Variants in ATAD2B observed in about 807,000 individuals in gnomAD.
The protein encoded by ATAD2B is ATPase family AAA domain-containing protein 2B.
ATAD2B carries 40 observed loss-of-function variants against 167.6 expected under a neutral mutation model. That is an observed-to-expected ratio of 0.24 (90% CI 0.19 to 0.31). ATAD2B has a LOEUF of 0.31. Among genes scored for constraint, ATAD2B ranks in the 10% least tolerant of loss-of-function variants. ATAD2B has a pLI of 1.00. For synonymous variants in ATAD2B, 579 were observed against 596.5 expected, an observed-to-expected ratio of 0.97 and a Z score of 0.43; for missense variants, 1,242 against 1,757.2, an observed-to-expected ratio of 0.71 and a Z score of 5.24.
At chr2:23,812,997 G>C (rs1362072953) in intron 17 of ATAD2B, among the ~76,000 whole-genome samples, 6 of 152,076 alleles carry the variant, frequency 3.9e-5, no homozygotes, top group African/African-American at 9.7e-5. Flanking sequence ...ACCAGGGCTC[G>C]TGGAGGTTAA....
rs780293737 is a variant in ATAD2B at position 23,867,940 on chromosome 2, C to T, written c.1083G>A (p.Leu361=). 1 of 1,599,116 alleles carries T rather than the reference C, an allele frequency of 6.3e-7. No homozygotes were observed. Among genetic ancestry groups the T allele is most frequent in the Non-Finnish European group, 8.5e-7 (1 of 1,174,236 alleles). The part of the protein sequence containing the change: ...KSMARARNRC[L]PMNFRAEDLA... ...AGTCCTCTGCTCTGAAGTTCATAGG[C>T]AAACATCTGAAATTTATAAAAGTGC... Residue 361 remains leucine (L), a synonymous_variant, in exon 10 of 28, where the codon TTG becomes TTA. Transcript: ENST00000238789.
At chr2:23,741,658 C>T in the ATAD2B span, among the ~76,000 whole-genome samples, 5 of 152,062 alleles carry the variant, frequency 3.3e-5, no homozygotes, top group African/African-American at 1.2e-4. Context: ...GACGTCATGT[C>T]TAAAACACCA....
At chr2:23,800,649 T>C (rs1023187904) in intron 18 of ATAD2B, among the ~76,000 whole-genome samples, 14 of 152,282 alleles carry the variant, frequency 9.2e-5, no homozygotes, top group Middle Eastern at 3.4e-3. Context: ...TGATGTTGTA[T>C]TGACCCCATT....
At chr2:23,731,325 G>C in the ATAD2B span, among the ~76,000 whole-genome samples, 1 of 152,058 alleles carries the variant, frequency 6.6e-6, no homozygotes, top group African/African-American at 2.4e-5. Flanking sequence ...TATTTCTCTT[G>C]GTAGCATTTT....
chr2:23,721,640 T>A, the ATAD2B span, among the ~76,000 whole-genome samples: 1 of 151,918 alleles, frequency 6.6e-6, no homozygotes, highest in Non-Finnish European at 1.5e-5. Context: ...AGCAGCCCTC[T>A]GGGCCACCAC....
chr2:23,710,472 G>T, the ATAD2B span, among the ~76,000 whole-genome samples: 11 of 152,212 alleles, frequency 7.2e-5, no homozygotes, highest in Admixed American at 5.2e-4. Flanking sequence ...GAGCAGTGAA[G>T]GGTTCTGTCA....
chr2:23,867,297 C>T (rs1695278713), intron 10 of ATAD2B, among the ~76,000 whole-genome samples: 1 of 152,174 alleles, frequency 6.6e-6, no homozygotes, highest in African/African-American at 2.4e-5. Flanking sequence ...CTGGGTAATA[C>T]TCTCAAGTTG....
Position 23,751,720 on chromosome 2 carries a change from A to C in ATAD2B, c.*326T>G. The C allele has an allele frequency of 6.3e-6, 2 of 319,656 alleles. No homozygotes were observed. Among genetic ancestry groups the C allele is most frequent in the South Asian group, 8.8e-5 (2 of 22,838 alleles). 19.8% of individuals were successfully genotyped at this position (319,656 alleles called of 1,614,324 possible). ...CTCCTGTTTGCTGGTCTGCTCCCTAAGAGAGGAGTCTCCAAAAGAGAGTGC... is the reference window on the plus strand; with the variant it reads ...CTCCTGTTTGCTGGTCTGCTCCCTACGAGAGGAGTCTCCAAAAGAGAGTGC... On this transcript the variant is annotated 3_prime_UTR_variant, in exon 28 of 28. Coordinates refer to ENST00000238789, the MANE Select transcript of ATAD2B (RefSeq NM_017552.4).
chr2:23,814,273 A>G (rs1019774007), intron 17 of ATAD2B, among the ~76,000 whole-genome samples: 2 of 152,234 alleles, frequency 1.3e-5, no homozygotes, highest in Non-Finnish European at 2.9e-5. Context: ...TGTTTATTTA[A>G]TTATATAACT....
rs1448410576 is a variant in ATAD2B at position 23,868,040 on chromosome 2, TCTC to T, written c.1077-97_1077-95del. 1.9e-5 allele frequency: 14 copies of T among 747,194 alleles called. No individual in the cohort carries two copies. In the Admixed American group the frequency reaches 2.0e-4, roughly 11 times the overall value. The allele number at this position is 747,194 out of a possible 1,614,324, so 46.3% of individuals were successfully genotyped here. A position where few individuals can be genotyped will look rare whatever the true frequency, so the allele number is the denominator to read the frequency against. On this transcript the variant is annotated intron_variant, in intron 9 of 27. Coordinates refer to ENST00000238789, the MANE Select transcript of ATAD2B (RefSeq NM_017552.4). Reference sequence around the variant, plus strand: ...ACATTCTTTGATGTGTCTTCATCTTTCTCCTTTTTCTCATAACCCAGAAAATAA... The same window carrying T: ...ACATTCTTTGATGTGTCTTCATCTTTCTTTTTCTCATAACCCAGAAAATAA...
chr2:23,737,532 C>G, the ATAD2B span, among the ~76,000 whole-genome samples: 1 of 152,126 alleles, frequency 6.6e-6, no homozygotes, highest in African/African-American at 2.4e-5. Context: ...ACATCCACAC[C>G]AAAAACCCAT....
chr2:23,715,695 G>C, the ATAD2B span, among the ~76,000 whole-genome samples: 1 of 152,072 alleles, frequency 6.6e-6, no homozygotes. Flanking sequence ...TGAGAATGTA[G>C]GGTTGCTTTA....
chr2:23,832,534 A>T (rs771198291), intron 14 of ATAD2B: 3 of 173,644 alleles, frequency 1.7e-5, no homozygotes, highest in Non-Finnish European at 3.7e-5. Context: ...GCCACATTTT[A>T]AGTGCTCAAT....
chr2:23,866,681 G>A (rs550561934), intron 10 of ATAD2B, among the ~76,000 whole-genome samples: 144 of 152,176 alleles, frequency 9.5e-4, no homozygotes, highest in African/African-American at 3.3e-3. Flanking sequence ...TTTTCTTAGG[G>A]TCCCATTAAT....
intron 16 of ATAD2B, among the ~76,000 whole-genome samples, chr2:23,820,087 A>C (rs1398480141): frequency 6.6e-6 from 1 of 152,076 alleles, no homozygotes; most frequent in East Asian, 1.9e-4. Flanking sequence ...CAGACTATTT[A>C]CTTAAGTGTT....
At chr2:23,880,316 G>T (rs1301917922) in intron 7 of ATAD2B, among the ~76,000 whole-genome samples, 1 of 152,142 alleles carries the variant, frequency 6.6e-6, no homozygotes. Context: ...ATAAGAGATT[G>T]CCTTCTTTTA....
chr2:23,715,932 C>A, the ATAD2B span, among the ~76,000 whole-genome samples: 7 of 152,186 alleles, frequency 4.6e-5, no homozygotes, highest in Non-Finnish European at 1.0e-4. Flanking sequence ...AGACTCCCCA[C>A]CACAAATAGC....
the ATAD2B span, among the ~76,000 whole-genome samples, chr2:23,721,486 C>T: frequency 1.3e-5 from 2 of 152,154 alleles, no homozygotes; most frequent in African/African-American, 2.4e-5. Context: ...TCACCCCCTG[C>T]AGACACATCC....
At chr2:23,700,383 A>AT in the ATAD2B span, among the ~76,000 whole-genome samples, 1 of 152,092 alleles carries the variant, frequency 6.6e-6, no homozygotes, top group African/African-American at 2.4e-5. The surrounding 1 kb of genome is among the most constrained non-coding windows in gnomAD (Gnocchi z 4.6). Flanking sequence ...TCACTTCCTA[A>AT]TTTTTTACTA....
Sources: gnomAD v4.1 joint callset for allele counts (sites outside exome capture counted in the v4.1 genomes callset) on GRCh38, gnomAD v4.1.1 for gene constraint, Gnocchi (gnomAD v3.1) non-coding constraint, MANE v1.5 for transcripts, NCBI Gene and HGNC (gene_info 2026-07-23, HGNC 2026-07-21) for gene names.